ADAM9: variants seen among roughly 807,000 people sequenced by gnomAD.
ADAM9 encodes the protein ADAM metallopeptidase domain 9.
A neutral mutation model predicts 108.1 loss-of-function variants in ADAM9; 54 were observed. That is an observed-to-expected ratio of 0.50 (90% CI 0.40 to 0.63). ADAM9 has a LOEUF of 0.63. Ranked by LOEUF, ADAM9 falls within the 20% of genes least tolerant of loss-of-function variation. The probability of loss-of-function intolerance (pLI) is 0.00; values close to 1 mark genes in which losing one functional copy is unlikely to be tolerated. For missense variants in ADAM9, 830 were observed against 997.7 expected (o/e 0.83, Z 2.26); for synonymous variants, 316 against 336.0 (o/e 0.94, Z 0.65).
At chr8:39,006,901 A>G (rs1205693686) in intron 1 of ADAM9, among the ~76,000 whole-genome samples, 1 of 152,170 alleles carries the variant, frequency 6.6e-6, no homozygotes, top group African/African-American at 2.4e-5. Flanking sequence ...GCGTGGCTAC[A>G]TTGTTGAGTA....
In ADAM9 at chr8:39,077,310, C is replaced by G. The variant is rs1405474274; in HGVS notation, c.1780C>G (p.Pro594Ala). ...FGIVPAIIQT[P>A]SRGTKCWGVD... Reference sequence around the variant, plus strand: ...AATTGTGCCTGCTATTATTCAAACGCCTAGTCGAGGCACCAAATGTTGGGG... The same window carrying G: ...AATTGTGCCTGCTATTATTCAAACGGCTAGTCGAGGCACCAAATGTTGGGG... Residue 594 changes from proline to alanine, a missense_variant, in exon 16 of 22, where the codon CCT becomes GCT. Around this residue, in one of 3 missense-constraint regions of ADAM9, gnomAD observed 381 missense variants for 539.8 expected, o/e 0.71. Transcript: ENST00000487273. 1 of 1,614,030 alleles carries G rather than the reference C, an allele frequency of 6.2e-7. No individual in the cohort carries two copies. Among genetic ancestry groups the G allele is most frequent in the Non-Finnish European group, 8.5e-7 (1 of 1,179,996 alleles).
At position 39,091,336 on chromosome 8, in the gene ADAM9, C is replaced by A. The variant is rs1358430251; in HGVS notation, c.2288C>A (p.Pro763His). 9 of 1,613,602 alleles carry A rather than the reference C, an allele frequency of 5.6e-6. No homozygotes were observed. Among genetic ancestry groups the A allele is most frequent in the Middle Eastern group, 1.7e-4 (1 of 6,060 alleles). ...VPRHVSPVTP[P>H]REVPIYANRF... ...CGACATGTTTCTCCAGTGACACCTC[C>A]CAGAGAAGTTGTAAGTATAAAATGA... is the stretch of plus-strand genomic sequence containing the variant. Residue 763 changes from proline to histidine, a missense_variant, in exon 20 of 22, where the codon CCC (proline) becomes CAC (histidine). Physicochemically the swap from Pro to His is moderately conservative, Grantham distance 77 (BLOSUM62 -2). Around this residue, in one of 3 missense-constraint regions of ADAM9, gnomAD observed 238 missense variants for 235.7 expected, o/e 1.01. Coordinates refer to ENST00000487273, the MANE Select transcript of ADAM9 (RefSeq NM_003816.3).
intron 14 of ADAM9, among the ~76,000 whole-genome samples, chr8:39,069,979 T>TAAAAA (rs869079193): frequency 8.5e-6 from 1 of 117,364 alleles, no homozygotes; most frequent in South Asian, 2.9e-4. Context: ...CTTGTCTCAC[T>TAAAAA]AAAAAAAAAA....
chr8:38,997,000 A>G lies in ADAM9; in HGVS notation c.-64A>G. ...ACTTGGGGCCCCGGCAGGGTTGGAA[A>G]ATGATGGAAGAGGCGGAGGTGGAGG... On this transcript the variant is annotated 5_prime_UTR_variant, in exon 1 of 22. Coordinates refer to ENST00000487273, the MANE Select transcript of ADAM9 (RefSeq NM_003816.3). 1 of 1,572,462 alleles carries G rather than the reference A, an allele frequency of 6.4e-7. No individual in the cohort carries two copies. The highest frequency in any genetic ancestry group is 8.6e-7 in the Non-Finnish European group (1 of 1,164,782).
chr8:39,090,634 T>A (rs1314514668), intron 19 of ADAM9, among the ~76,000 whole-genome samples: 1 of 152,188 alleles, frequency 6.6e-6, no homozygotes, highest in Non-Finnish European at 1.5e-5. Flanking sequence ...GGAGAAAGGC[T>A]TATGTTGGTC....
rs748757055 is a variant in ADAM9, at chr8:39,023,144, C to T, written c.745-12C>T. 2 of 1,604,788 alleles carry T rather than the reference C, an allele frequency of 1.2e-6. No individual in the cohort carries two copies. Among genetic ancestry groups the T allele is most frequent in the East Asian group, 2.2e-5 (1 of 44,736 alleles). On this transcript the variant is annotated splice_polypyrimidine_tract_variant and intron_variant, in intron 8 of 21. Coordinates refer to ENST00000487273, the MANE Select transcript of ADAM9 (RefSeq NM_003816.3). The stretch of plus-strand genomic sequence containing the variant: ...TACTATATTTTATATACTTTTATTT[C>T]TTTCTTCCCAGATGTATATTATGTT...
Position 39,012,196 on chromosome 8 carries a change from C to T in ADAM9, c.254+480C>T, listed in dbSNP as rs1000120761. On this transcript the variant is annotated intron_variant, in intron 3 of 21. Transcript: ENST00000487273. ...TGTGCTTTGCCTCCAGATTATGAAC[C>T]GCTGAGATATGTGTGAGGCATCATA... Among the ~76,000 whole-genome samples, 17 of 152,274 alleles carry T rather than the reference C, an allele frequency of 1.1e-4. No homozygotes were observed. The East Asian group carries it at 1.5e-3, about 14-fold the overall frequency.
At chr8:39,040,008 C>T (rs748854156) in intron 11 of ADAM9, among the ~76,000 whole-genome samples, 184 of 152,194 alleles carry the variant, frequency 1.2e-3, no homozygotes, top group Non-Finnish European at 2.2e-3. Flanking sequence ...CTCAAGATTC[C>T]TTTTTTTCTA....
rs748422509 is a variant in ADAM9, at chr8:39,026,689, A to G, written c.1009A>G (p.Thr337Ala). 2.5e-6 allele frequency: 4 copies of G among 1,614,188 alleles called. No homozygotes were observed. In the South Asian group the frequency reaches 3.3e-5, roughly 13 times the overall value. Residue 337 changes from threonine to alanine, a missense_variant, in exon 11 of 22, where the codon ACT (threonine) becomes GCT (alanine). Physicochemically the swap from Thr to Ala is moderately conservative, Grantham distance 58. This residue lies in a region of ADAM9 where 381 missense variants were observed against 539.8 expected (regional missense o/e 0.71). Transcript: ENST00000487273. The stretch of plus-strand genomic sequence containing the variant: ...CTGTTCTGAACAGTTTGGACAAATC[A>G]CTGTGGAGACATTTGCTTCCATTGT... ...AGGINVFGQI[T>A]VETFASIVAH...
intron 1 of ADAM9, among the ~76,000 whole-genome samples, chr8:39,004,319 T>G (rs7821237): frequency 0.3 from 45,595 of 151,718 alleles, 6,957 homozygotes; most frequent in Non-Finnish European, 0.34. Flanking sequence ...GCTCAGGTGA[T>G]CCTTCCACTT....
chr8:39,063,842 A>G (rs1222548395), intron 14 of ADAM9, among the ~76,000 whole-genome samples: 1 of 152,120 alleles, frequency 6.6e-6, no homozygotes, highest in East Asian at 1.9e-4. Context: ...AATAACCTCA[A>G]TTTAACAGTA....
intron 20 of ADAM9, among the ~76,000 whole-genome samples, chr8:39,100,953 A>G (rs978571557): frequency 1.3e-5 from 2 of 152,246 alleles, no homozygotes; most frequent in Admixed American, 1.3e-4. Flanking sequence ...AACTTCAACT[A>G]CTTCATCAAG....
At chr8:39,021,438 C>G (rs1330980385) in intron 7 of ADAM9, among the ~76,000 whole-genome samples, 1 of 152,240 alleles carries the variant, frequency 6.6e-6, no homozygotes, top group Non-Finnish European at 1.5e-5. Flanking sequence ...CACCTGCCAC[C>G]ACGCCTGGCT....
At chr8:39,078,724 T>A (rs1838927712) in intron 16 of ADAM9, among the ~76,000 whole-genome samples, 1 of 152,138 alleles carries the variant, frequency 6.6e-6, no homozygotes, top group Non-Finnish European at 1.5e-5. Flanking sequence ...CAGGTTGCAG[T>A]GAGCCGAGAT....
At chr8:39,051,653 C>T (rs553252049) in intron 12 of ADAM9, among the ~76,000 whole-genome samples, 53 of 152,198 alleles carry the variant, frequency 3.5e-4, no homozygotes, top group African/African-American at 1.2e-3. Context: ...GCCACTCTGG[C>T]TTTTATTTTT....
At chr8:39,086,088 C>T (rs181307589) in intron 18 of ADAM9, among the ~76,000 whole-genome samples, 2 of 152,180 alleles carry the variant, frequency 1.3e-5, no homozygotes, top group Admixed American at 6.5e-5. Flanking sequence ...GATCTTGGCT[C>T]ATGGCAATCT....
intron 12 of ADAM9, among the ~76,000 whole-genome samples, chr8:39,045,082 G>GCATA (rs1288979600): frequency 7.6e-5 from 1 of 13,216 alleles, no homozygotes; most frequent in East Asian, 5.8e-3. Context: ...ATGTGTGTGT[G>GCATA]CATACATACA....
chr8:39,079,157 C>T (rs1479650637), intron 16 of ADAM9, among the ~76,000 whole-genome samples: 1 of 152,202 alleles, frequency 6.6e-6, no homozygotes, highest in Non-Finnish European at 1.5e-5. Context: ...ACCTGTCCAG[C>T]CTTACCTGCG....
At position 39,023,156 on chromosome 8, in the gene ADAM9, A is replaced by G. The variant is rs772483689; in HGVS notation, c.745A>G (p.Met249Val). 5.0e-6 allele frequency: 8 copies of G among 1,609,218 alleles called. No individual in the cohort carries two copies. The highest frequency in any genetic ancestry group is 1.1e-5 in the South Asian group (1 of 90,768). ...MILLANYLDS[M>V]YIMLNIRIVL... is the part of the protein sequence containing the mutation. ...TATACTTTTATTTCTTTCTTCCCAG[A>G]TGTATATTATGTTAAATATTCGAAT... Residue 249 changes from methionine to valine, a missense_variant and splice_region_variant, in exon 9 of 22, where the codon ATG (methionine) becomes GTG (valine). Met to Val is a conservative substitution (Grantham distance 21). Transcript: ENST00000487273.
Sources: allele counts gnomAD v4.1 joint callset (sites outside exome capture counted in the v4.1 genomes callset), GRCh38; gene constraint gnomAD v4.1.1; regional missense constraint gnomAD v4.1.1; transcripts MANE v1.5; gene names NCBI Gene and HGNC (gene_info 2026-07-23, HGNC 2026-07-21).